SLAMF9: variants seen among roughly 807,000 people sequenced by gnomAD.
SLAMF9 encodes SLAM family member 9.
Under a neutral mutation model 30.4 loss-of-function variants are expected in SLAMF9, and 25 were observed. The ratio of observed to expected loss-of-function variants is 0.82; its 90% CI spans 0.60 to 1.15. The LOEUF (loss-of-function observed/expected upper bound fraction) is 1.15, where lower values mean the gene tolerates loss of function less well. SLAMF9 is among the 50% of genes most tolerant of loss of function. The pLI is 0.00. For synonymous variants in SLAMF9, 129 were observed against 127.2 expected, an observed-to-expected ratio of 1.01 and a Z score of -0.09; for missense variants, 344 against 346.1, an observed-to-expected ratio of 0.99 and a Z score of 0.05.
At chr1:159,976,978 G>GAAAT in the SLAMF9 span, 24 of 43,156 alleles carry the variant, frequency 5.6e-4, no homozygotes, top group African/African-American at 1.1e-3. Context: ...AAGAAGGAAA[G>GAAAT]AAGGAAAGAA....
chr1:159,952,425 G>A lies in SLAMF9; in HGVS notation c.501C>T (p.Tyr167=), dbSNP rs932308278. The A allele has an allele frequency of 2.5e-6, 4 of 1,614,142 alleles. No homozygotes were observed. The highest frequency in any genetic ancestry group is 2.5e-6 in the Non-Finnish European group (3 of 1,180,012). ...SVEKAGMDMT[Y]SWLSRGDSTY... ...TGCTATCCCCCCGGGAGAGCCAGCT[G>A]TAGGTCATATCCATGCCTGCCTTCT... Residue 167 remains tyrosine, a synonymous_variant, in exon 3 of 4, where the codon TAC becomes TAT. Coordinates refer to ENST00000368093, the MANE Select transcript of SLAMF9 (RefSeq NM_033438.4).
At chr1:159,959,215 A>C (rs1000112455), upstream of SLAMF9, among the ~76,000 whole-genome samples, 1 of 152,132 alleles carries the variant, frequency 6.6e-6, no homozygotes, top group Admixed American at 6.5e-5. Flanking sequence ...TGTGGGCCTC[A>C]CAGATGGCTA....
intron 3 of SLAMF9, 111 bp downstream of exon 3, chr1:159,952,151 G>T: frequency 7.8e-7 from 1 of 1,274,406 alleles, no homozygotes; most frequent in Non-Finnish European, 1.1e-6. Context: ...CCATGGGAGG[G>T]GGTTAGCTTC....
chr1:159,953,332 T>C lies in SLAMF9; in HGVS notation c.368A>G (p.Gln123Arg), dbSNP rs1435238037. The C allele has an allele frequency of 6.2e-7, 1 of 1,607,784 alleles. No homozygotes were observed. The highest frequency in any genetic ancestry group is 1.3e-5 in the African/African-American group (1 of 74,808). ...NLRTSQISTM[Q>R]QYNICVYRWL... ...ACGGTAGACACATATATTGTACTGCTGCATGGTAGAGATCTGGGATGTTCT... is the reference window on the plus strand; with the variant it reads ...ACGGTAGACACATATATTGTACTGCCGCATGGTAGAGATCTGGGATGTTCT... Residue 123 changes from glutamine (Q) to arginine (R), a missense_variant, in exon 2 of 4, where the codon CAG becomes CGG. By Grantham distance (43) the Gln-to-Arg change is conservative. Transcript: ENST00000368093.
chr1:159,974,513 G>A, the SLAMF9 span, among the ~76,000 whole-genome samples: 6 of 152,090 alleles, frequency 3.9e-5, 1 homozygote, highest in South Asian at 6.2e-4. Flanking sequence ...CTCCAGGTCC[G>A]GACGTGTGAG....
chr1:159,963,127 G>C, the SLAMF9 span, among the ~76,000 whole-genome samples: 6 of 152,148 alleles, frequency 3.9e-5, no homozygotes, highest in African/African-American at 1.4e-4. Context: ...CGCTTTATAG[G>C]GTGGTTGGGA....
chr1:159,976,946 A>AAGAC, the SLAMF9 span: 1 of 5,522 alleles, frequency 1.8e-4, no homozygotes, highest in Non-Finnish European at 1.1e-3. Context: ...GAAAGAAAGA[A>AAGAC]AGAAAGAAAG....
the SLAMF9 span, among the ~76,000 whole-genome samples, chr1:159,980,975 C>T: frequency 1.3e-5 from 2 of 152,212 alleles, no homozygotes; most frequent in Non-Finnish European, 2.9e-5. Flanking sequence ...AGCCTGCATA[C>T]ACTAAGGGAC....
the SLAMF9 span, among the ~76,000 whole-genome samples, chr1:159,959,519 T>C: frequency 0.088 from 13,387 of 152,128 alleles, 691 homozygotes; most frequent in Non-Finnish European, 0.12. Flanking sequence ...TCCTAGGATC[T>C]ACAACATGGC....
chr1:159,955,784 T>C (rs1202569574), upstream of SLAMF9, among the ~76,000 whole-genome samples: 1 of 152,196 alleles, frequency 6.6e-6, no homozygotes. Flanking sequence ...AGGAGAGATA[T>C]TTAAGATGAG....
the SLAMF9 span, chr1:159,973,890 T>G: frequency 6.2e-7 from 1 of 1,612,512 alleles, no homozygotes; most frequent in Non-Finnish European, 8.5e-7. Flanking sequence ...GCCACGGCTC[T>G]GCATTGTTGC....
At chr1:159,961,378 G>C in the SLAMF9 span, 1 of 152,352 alleles carries the variant, frequency 6.6e-6, no homozygotes, top group Non-Finnish European at 1.5e-5. Flanking sequence ...ACACGGCAGA[G>C]CCATGGTACT....
At chr1:159,968,119 G>C in the SLAMF9 span, among the ~76,000 whole-genome samples, 1 of 152,150 alleles carries the variant, frequency 6.6e-6, no homozygotes, top group African/African-American at 2.4e-5. Context: ...GCTCTGGCTA[G>C]GACTTCAAGA....
chr1:159,957,098 G>GC (rs1651937253), upstream of SLAMF9, among the ~76,000 whole-genome samples: 1 of 128,806 alleles, frequency 7.8e-6, no homozygotes, highest in Admixed American at 9.3e-5. Context: ...CTCCAGCCTG[G>GC]GAGACAGAGC....
chr1:159,951,561 C>T lies in SLAMF9; in HGVS notation c.*100G>A, dbSNP rs748732294. On this transcript the variant is annotated 3_prime_UTR_variant, in exon 4 of 4. Coordinates refer to ENST00000368093, the MANE Select transcript of SLAMF9 (RefSeq NM_033438.4). The stretch of plus-strand genomic sequence containing the variant: ...AGAAGTATGGCTCTCTGGATACCCA[C>T]CCCTGAGCACCTCCTTCCCCTGGAA... The T allele has an allele frequency of 8.8e-7, 1 of 1,142,526 alleles. No homozygotes were observed. Among genetic ancestry groups the T allele is most frequent in the Non-Finnish European group, 1.3e-6 (1 of 784,940 alleles). 70.8% of individuals were successfully genotyped at this position (1,142,526 alleles called of 1,614,324 possible).
In SLAMF9 at chr1:159,951,764, A is replaced by G; in HGVS notation, c.767T>C (p.Val256Ala). The change falls in exon 4 of 4, where the codon GTC becomes GCC. Residue 256 changes from valine (V) to alanine (A), a missense_variant. Transcript: ENST00000368093. ...LLVILAMGLWVIRVQKRHKMP... is the reference protein window; with the variant it reads ...LLVILAMGLWAIRVQKRHKMP... ...TTTGTGTCTTTTCTGGACTCGGATG[A>G]CCCAGAGTCCCATGGCCAGAATTAC... The G allele has an allele frequency of 6.2e-7, 1 of 1,614,042 alleles. No individual in the cohort carries two copies. Among genetic ancestry groups the G allele is most frequent in the Non-Finnish European group, 8.5e-7 (1 of 1,179,948 alleles).
chr1:159,976,600 G>C, the SLAMF9 span: 2 of 152,012 alleles, frequency 1.3e-5, no homozygotes, highest in African/African-American at 4.8e-5. Flanking sequence ...CAATTAAAAA[G>C]CTAAATAAAA....
chr1:159,966,903 T>C, the SLAMF9 span, among the ~76,000 whole-genome samples: 1 of 152,214 alleles, frequency 6.6e-6, no homozygotes, highest in Admixed American at 6.5e-5. Flanking sequence ...TTTTTTCCCA[T>C]TCTGTGGGTC....
chr1:159,972,210 C>A, the SLAMF9 span, among the ~76,000 whole-genome samples: 1 of 152,120 alleles, frequency 6.6e-6, no homozygotes, highest in Non-Finnish European at 1.5e-5. Context: ...TAGCTCTGGC[C>A]CCCGCCTCGC....
Sources: gnomAD v4.1 joint callset for allele counts (sites outside exome capture counted in the v4.1 genomes callset) on GRCh38, gnomAD v4.1.1 for gene constraint, MANE v1.5 for transcripts, NCBI Gene and HGNC (gene_info 2026-07-23, HGNC 2026-07-21) for gene names.